GAS5: variants seen among roughly 807,000 people sequenced by gnomAD.
GAS5 encodes the protein growth arrest specific 5.
intron 6 of GAS5, chr1:173,864,560 TTC>T (rs749582008): frequency 2.6e-6 from 1 of 386,662 alleles, no homozygotes; most frequent in Non-Finnish European, 5.1e-6. Context: ...CTCAATTTCC[TTC>T]TCAGTCACAT....
At chr1:173,865,754 C>G in intron 5 of GAS5, 1 of 518,960 alleles carries the variant, frequency 1.9e-6, no homozygotes, top group Non-Finnish European at 3.8e-6. Context: ...AAGGAAAATA[C>G]AGTCAGTATT....
At chr1:173,869,029 C>T (rs1333096715), upstream of GAS5, 1 of 152,552 alleles carries the variant, frequency 6.6e-6, no homozygotes, top group African/African-American at 2.4e-5. Context: ...GGTGTAGGCT[C>T]CAAAATAAAC....
At chr1:173,866,052 A>C (rs1002607397) in intron 4 of GAS5, 1 of 519,068 alleles carries the variant, frequency 1.9e-6, no homozygotes, top group Non-Finnish European at 3.8e-6. Context: ...CTTTCTTATT[A>C]ATCATAACAA....
chr1:173,864,068 G>GC (rs2102672944), intron 7 of GAS5: 1 of 456,594 alleles, frequency 2.2e-6, no homozygotes, highest in East Asian at 6.1e-5. Context: ...CTTGGGTGAG[G>GC]CAAGACCCTG....
At chr1:173,866,559 C>T (rs1654691558) in exon 3 of GAS5, 3 of 750,568 alleles carry the variant, frequency 4.0e-6, no homozygotes, top group South Asian at 2.8e-5. Flanking sequence ...TAGGCTTGCT[C>T]TTTAGGACCT....
At chr1:173,865,011 AGAGTTC>A (rs1188896780) in intron 6 of GAS5, 21 of 451,814 alleles carry the variant, frequency 4.6e-5, no homozygotes, top group Non-Finnish European at 9.3e-5. Context: ...CTTGAGGTCA[AGAGTTC>A]GAGACCAGCC....
intron 6 of GAS5, chr1:173,865,332 TA>T (rs1170767330): frequency 4.0e-6 from 2 of 495,472 alleles, no homozygotes; most frequent in East Asian, 1.1e-4. Context: ...GGTGGATTTC[TA>T]AAAGATTTCC....
intron 6 of GAS5, chr1:173,864,459 T>C (rs1654245455): frequency 7.7e-6 from 4 of 517,090 alleles, no homozygotes; most frequent in South Asian, 5.6e-5. Flanking sequence ...CTGAAAATCA[T>C]CACATGTACC....
chr1:173,865,433 G>A (rs757623137), intron 6 of GAS5: 1 of 515,152 alleles, frequency 1.9e-6, no homozygotes, highest in South Asian at 1.4e-5. Context: ...ACTAACAGTA[G>A]CTCAATCAAT....
At chr1:173,866,767 A>G (rs1654751312) in exon 2 of GAS5, 2 of 765,474 alleles carry the variant, frequency 2.6e-6, no homozygotes, top group Non-Finnish European at 4.8e-6. Flanking sequence ...TTACTTCAGT[A>G]GCTATTCTCA....
At chr1:173,864,994 A>C in intron 6 of GAS5, 1 of 483,102 alleles carries the variant, frequency 2.1e-6, no homozygotes, top group Non-Finnish European at 4.2e-6. Flanking sequence ...CAGTGCGGGC[A>C]GTATCACTTG....
intron 6 of GAS5, chr1:173,865,206 A>AAAAAT (rs1260721672): frequency 3.0e-6 from 1 of 336,420 alleles, no homozygotes; most frequent in Non-Finnish European, 5.8e-6. Flanking sequence ...AAAAAAAAAA[A>AAAAAT]AAAATACTTG....
intron 3 of GAS5, chr1:173,866,262 T>A (rs778626036): frequency 3.4e-5 from 17 of 505,200 alleles, no homozygotes; most frequent in Non-Finnish European, 6.8e-5. Flanking sequence ...AGATTGGTGG[T>A]ACACTGCTTA....
upstream of GAS5, chr1:173,867,841 C>G (rs1400981725): frequency 2.0e-6 from 1 of 491,948 alleles, no homozygotes; most frequent in Non-Finnish European, 4.1e-6. Context: ...CCATCCTCAA[C>G]TTGTAGGCCC....
At chr1:173,863,983 C>T (rs1237228217) in intron 7 of GAS5, 1 of 329,466 alleles carries the variant, frequency 3.0e-6, no homozygotes, top group African/African-American at 2.1e-5. Context: ...TCTACAAAGA[C>T]CACTGGGAGG....
At chr1:173,866,477 G>A (rs1035047859) in intron 3 of GAS5, 2 of 646,024 alleles carry the variant, frequency 3.1e-6, no homozygotes, top group Non-Finnish European at 5.8e-6. Flanking sequence ...CATTGCTTTG[G>A]CTATTTTCTA....
intron 6 of GAS5, chr1:173,864,333 G>A: frequency 1.9e-6 from 1 of 517,880 alleles, no homozygotes; most frequent in Non-Finnish European, 3.9e-6. Flanking sequence ...TATTAATCAG[G>A]GCAAAATACA....
upstream of GAS5, chr1:173,868,667 C>G (rs983795897): frequency 2.0e-5 from 3 of 152,858 alleles, no homozygotes; most frequent in African/African-American, 7.2e-5. Flanking sequence ...GGGACACACC[C>G]AGATACGCAC....
upstream of GAS5, chr1:173,867,511 C>CA (rs372122172): frequency 1.1e-3 from 410 of 373,838 alleles, 2 homozygotes; most frequent in African/African-American, 8.4e-3. Flanking sequence ...GGCTCGGTCT[C>CA]AAAAAAGAAA....
Sources: allele counts gnomAD v4.1 joint callset, GRCh38; gene constraint gnomAD v4.1.1; transcripts MANE v1.5; gene names NCBI Gene and HGNC (gene_info 2026-07-23, HGNC 2026-07-21).